Variants in SCARA3 observed in about 807,000 individuals in gnomAD.
SCARA3 encodes cellular stress response gene protein.
SCARA3 carries 39 observed loss-of-function variants against 47.0 expected under a neutral mutation model. The observed-to-expected ratio is 0.83, with a 90% confidence interval of 0.64 to 1.08. The LOEUF (loss-of-function observed/expected upper bound fraction) is 1.08. SCARA3 is among the 50% of genes least tolerant of loss of function. SCARA3 has a pLI of 0.00. For synonymous variants in SCARA3, 356 were observed against 334.1 expected (o/e 1.07, Z -0.71); for missense variants, 724 against 792.3 (o/e 0.91, Z 1.04).
intron 5 of SCARA3, among the ~76,000 whole-genome samples, chr8:27,665,260 A>G (rs1242711066): frequency 6.6e-6 from 1 of 152,164 alleles, no homozygotes; most frequent in African/African-American, 2.4e-5. Context: ...TTCAGCTGTA[A>G]ATGAAGTGGT....
At chr8:27,722,662 A>T in the SCARA3 span, among the ~76,000 whole-genome samples, 1 of 152,052 alleles carries the variant, frequency 6.6e-6, no homozygotes, top group Non-Finnish European at 1.5e-5. Context: ...TATCACTGCA[A>T]ATTTCCATTC....
rs764235795 is a variant in SCARA3, at chr8:27,671,076, C to T, written c.1546C>T (p.Arg516Ter). ...GGGAGAAAGGGGCCCTGTTGGCCCT[C>T]GAGGGTTCCCAGGCCTCAAAGGCTC... ...PVGERGPVGP[R>*]GFPGLKGSKG... The change falls in exon 6 of 6, where the codon CGA becomes TGA. Residue 516 changes from arginine (R) to a stop codon, truncating the protein, a stop_gained. Transcript: ENST00000301904. LOFTEE classifies it high-confidence loss of function. The T allele has an allele frequency of 1.4e-5, 22 of 1,610,848 alleles. No individual in the cohort carries two copies. The highest frequency in any genetic ancestry group is 5.5e-5 in the South Asian group (5 of 90,966).
intron 5 of SCARA3, among the ~76,000 whole-genome samples, chr8:27,666,977 G>A (rs1802030217): frequency 1.3e-5 from 2 of 152,154 alleles, no homozygotes; most frequent in Non-Finnish European, 2.9e-5. Context: ...GGACTCCAGG[G>A]TGTGCCGGTC....
chr8:27,666,061 G>A (rs1315885955), intron 5 of SCARA3, among the ~76,000 whole-genome samples: 1 of 152,202 alleles, frequency 6.6e-6, no homozygotes, highest in African/African-American at 2.4e-5. Context: ...GAGTTTACCT[G>A]TGAAGGACGA....
At position 27,647,146 on chromosome 8, in the gene SCARA3, C is replaced by T. The variant is rs184237864; in HGVS notation, c.8-2556C>T. On this transcript the variant is annotated intron_variant, in intron 1 of 5. Transcript: ENST00000301904. ...ACACAGGTACACACACATGCACACT[C>T]ATGGGCAAAAATGCACGTGCACACA... Among the ~76,000 whole-genome samples, 20 of 152,244 alleles carry T rather than the reference C, an allele frequency of 1.3e-4. 1 individual carries two copies. In the East Asian group the frequency reaches 2.3e-3, roughly 18 times the overall value.
chr8:27,662,733 G>A (rs1801937443), intron 5 of SCARA3, among the ~76,000 whole-genome samples: 1 of 152,234 alleles, frequency 6.6e-6, no homozygotes, highest in Admixed American at 6.5e-5. Context: ...CAGCAGATTG[G>A]GCATTAGCAG....
chr8:27,664,273 A>C (rs748090884), intron 5 of SCARA3, among the ~76,000 whole-genome samples: 11 of 152,252 alleles, frequency 7.2e-5, no homozygotes, highest in Non-Finnish European at 1.3e-4. Flanking sequence ...GTGTGGTTTC[A>C]TTGAGTTCAA....
chr8:27,693,277 G>A, the SCARA3 span, among the ~76,000 whole-genome samples: 3 of 152,174 alleles, frequency 2.0e-5, no homozygotes, highest in Non-Finnish European at 2.9e-5. Flanking sequence ...TAAAATGTAT[G>A]AAACCAAACT....
At position 27,665,314 on chromosome 8, in the gene SCARA3, C is replaced by G. The variant is rs34429095; in HGVS notation, c.1370-5586C>G. ...AGAACTATTCCAGCTCTAATTAATT[C>G]TAAGCCCCCATTTACTCAACAGAAA... On this transcript the variant is annotated intron_variant, in intron 5 of 5. Transcript: ENST00000301904. Among the ~76,000 whole-genome samples the G allele has an allele frequency of 1.1e-4, 17 of 152,320 alleles. No individual in the cohort carries two copies. The East Asian group carries it at 1.9e-3, about 17-fold the overall frequency.
At chr8:27,688,000 G>A in the SCARA3 span, among the ~76,000 whole-genome samples, 1 of 152,108 alleles carries the variant, frequency 6.6e-6, no homozygotes, top group Non-Finnish European at 1.5e-5. Context: ...TGGGCGACAA[G>A]AGTGAAACTC....
chr8:27,678,601 C>T (rs1802313134), downstream of SCARA3, among the ~76,000 whole-genome samples: 1 of 152,188 alleles, frequency 6.6e-6, no homozygotes, highest in Non-Finnish European at 1.5e-5. Context: ...TTCTGCCAAA[C>T]ATTTAAGGAA....
intron 1 of SCARA3, among the ~76,000 whole-genome samples, chr8:27,640,063 T>G (rs1004996090): frequency 2.6e-5 from 4 of 151,814 alleles, no homozygotes; most frequent in African/African-American, 9.7e-5. Context: ...TGGGGGGACT[T>G]GGGGACAGAG....
chr8:27,649,831 G>A (rs779220438), intron 2 of SCARA3, 31 bp downstream of exon 2: 25 of 1,563,300 alleles, frequency 1.6e-5, no homozygotes, highest in South Asian at 6.8e-5. Flanking sequence ...CCTGATCTCC[G>A]CTCTGGGCTG....
chr8:27,727,494 C>CT, the SCARA3 span, among the ~76,000 whole-genome samples: 4 of 152,144 alleles, frequency 2.6e-5, no homozygotes, highest in Non-Finnish European at 5.9e-5. Context: ...GGATAATACT[C>CT]TGTCACCTAG....
intron 2 of SCARA3, among the ~76,000 whole-genome samples, chr8:27,650,161 T>TG (rs1668565737): frequency 6.6e-6 from 1 of 151,952 alleles, no homozygotes; most frequent in Non-Finnish European, 1.5e-5. Context: ...CCTGGATAAT[T>TG]TTTTTTATTT....
chr8:27,672,137 C>A lies in SCARA3; in HGVS notation c.*786C>A. 1.0e-6 allele frequency: 1 copy of A among 985,464 alleles called. No individual in the cohort carries two copies. 61.0% of individuals were successfully genotyped at this position (985,464 alleles called of 1,614,324 possible). On this transcript the variant is annotated 3_prime_UTR_variant, in exon 6 of 6. Coordinates refer to ENST00000301904, the MANE Select transcript of SCARA3 (RefSeq NM_016240.3). ...GGGACCAGCATACCCGGGAGCTGTC[C>A]CTGTCTGTCACAGCACAGTGGGGCC...
At chr8:27,643,369 G>T (rs1374751066) in intron 1 of SCARA3, among the ~76,000 whole-genome samples, 1 of 152,218 alleles carries the variant, frequency 6.6e-6, no homozygotes, top group Admixed American at 6.5e-5. Context: ...GGATGCAGGA[G>T]CTTGAGGATG....
chr8:27,670,910 C>A lies in SCARA3; in HGVS notation c.1380C>A (p.Gly460=). The A allele has an allele frequency of 6.5e-7, 1 of 1,527,516 alleles. No individual in the cohort carries two copies. Among genetic ancestry groups the A allele is most frequent in the Non-Finnish European group, 8.8e-7 (1 of 1,140,248 alleles). 94.6% of individuals were successfully genotyped at this position (1,527,516 alleles called of 1,614,324 possible). Reference sequence around the variant, plus strand: ...TCTCTCCAACCTCAGGTGCCCCCGGCCCTCCAGGACCAAGAGGATTCAAAG... The same window carrying A: ...TCTCTCCAACCTCAGGTGCCCCCGGACCTCCAGGACCAAGAGGATTCAAAG... ...RNVTILRGAP[G]PPGPRGFKGD... The change falls in exon 6 of 6, where the codon GGC becomes GGA. Residue 460 remains glycine (G), a synonymous_variant. Coordinates refer to ENST00000301904, the MANE Select transcript of SCARA3 (RefSeq NM_016240.3).
chr8:27,655,439 G>A (rs1356631182), intron 3 of SCARA3, among the ~76,000 whole-genome samples: 1 of 152,164 alleles, frequency 6.6e-6, no homozygotes, highest in Non-Finnish European at 1.5e-5. Context: ...AAAAAGCCAG[G>A]CGTCCTGCTG....
Sources: allele counts gnomAD v4.1 joint callset (sites outside exome capture counted in the v4.1 genomes callset), GRCh38; gene constraint gnomAD v4.1.1; transcripts MANE v1.5; gene names NCBI Gene and HGNC (gene_info 2026-07-23, HGNC 2026-07-21).